Variants in PALM2AKAP2 observed in about 807,000 individuals in gnomAD.
The protein encoded by PALM2AKAP2 is PALM2-AKAP2 fusion protein.
PALM2AKAP2 carries 37 observed loss-of-function variants against 71.5 expected under a neutral mutation model. The ratio of observed to expected loss-of-function variants is 0.52; its 90% CI spans 0.40 to 0.68. The LOEUF is 0.68. Ranked by LOEUF, PALM2AKAP2 falls within the 30% of genes least tolerant of loss-of-function variation. The pLI is 0.00. For synonymous variants in PALM2AKAP2, 468 were observed against 478.8 expected (o/e 0.98, Z 0.29); for missense variants, 1,224 against 1,191.8 (o/e 1.03, Z -0.40).
chr9:109,686,230 T>G (rs958385711), intron 1 of PALM2AKAP2, among the ~76,000 whole-genome samples: 2 of 152,244 alleles, frequency 1.3e-5, no homozygotes, highest in Non-Finnish European at 2.9e-5. Context: ...GTTGATATCA[T>G]GAATGTTCTT....
chr9:109,656,731 G>C (rs966184636), intron 1 of PALM2AKAP2, among the ~76,000 whole-genome samples: 5 of 152,338 alleles, frequency 3.3e-5, no homozygotes, highest in African/African-American at 1.2e-4. Context: ...GAGAACTGAA[G>C]GGTGTGATTG....
intron 1 of PALM2AKAP2, among the ~76,000 whole-genome samples, chr9:109,816,938 G>A (rs1286817627): frequency 1.3e-5 from 2 of 152,192 alleles, no homozygotes; most frequent in African/African-American, 4.8e-5. Flanking sequence ...CTACCAGTTT[G>A]TCTGGAGGCG....
intron 6 of PALM2AKAP2, among the ~76,000 whole-genome samples, chr9:109,987,901 G>A (rs958759617): frequency 5.9e-5 from 9 of 152,196 alleles, no homozygotes; most frequent in African/African-American, 7.2e-5. Flanking sequence ...CTCTTTTAAC[G>A]AGCAAGAAAA....
intron 1 of PALM2AKAP2, among the ~76,000 whole-genome samples, chr9:109,695,469 G>T (rs1827956773): frequency 6.6e-6 from 1 of 151,988 alleles, no homozygotes; most frequent in African/African-American, 2.4e-5. Flanking sequence ...GTCATTTTTT[G>T]TCTTTTTGAT....
intron 1 of PALM2AKAP2, among the ~76,000 whole-genome samples, chr9:109,820,907 A>G (rs1827980625): frequency 6.6e-6 from 1 of 152,240 alleles, no homozygotes; most frequent in Non-Finnish European, 1.5e-5. Context: ...GGATATTTCA[A>G]TTAGTGCAGC....
intron 1 of PALM2AKAP2, among the ~76,000 whole-genome samples, chr9:110,099,593 G>T (rs2118859290): frequency 6.6e-6 from 1 of 152,176 alleles, no homozygotes; most frequent in East Asian, 1.9e-4. Context: ...GCAGATGGGT[G>T]GCATTACCTC....
At chr9:109,785,501 G>T (rs1564147513) in intron 1 of PALM2AKAP2, among the ~76,000 whole-genome samples, 1 of 152,150 alleles carries the variant, frequency 6.6e-6, no homozygotes, top group Non-Finnish European at 1.5e-5. Flanking sequence ...ACATACCCGA[G>T]ACTGGGTAAT....
chr9:109,911,915 CA>C (rs1411549019), intron 3 of PALM2AKAP2, among the ~76,000 whole-genome samples: 1 of 152,000 alleles, frequency 6.6e-6, no homozygotes, highest in Non-Finnish European at 1.5e-5. Context: ...CAGAGTGTAC[CA>C]AAAGTTAGAA....
At chr9:110,069,187 A>C (rs1336778311) in intron 1 of PALM2AKAP2, among the ~76,000 whole-genome samples, 1 of 152,206 alleles carries the variant, frequency 6.6e-6, no homozygotes, top group Non-Finnish European at 1.5e-5. Flanking sequence ...TGTAAACTGC[A>C]AAATAGGACC....
chr9:109,973,610 A>G (rs1832113129), intron 6 of PALM2AKAP2, among the ~76,000 whole-genome samples: 1 of 152,254 alleles, frequency 6.6e-6, no homozygotes, highest in African/African-American at 2.4e-5. Flanking sequence ...AGATCTCTTG[A>G]CAATGAGTGA....
intron 1 of PALM2AKAP2, among the ~76,000 whole-genome samples, chr9:109,865,199 A>G (rs1829419225): frequency 2.2e-5 from 3 of 139,492 alleles, no homozygotes; most frequent in African/African-American, 7.9e-5. Flanking sequence ...ACTGGGTTCA[A>G]GTGATTCTCC....
intron 7 of PALM2AKAP2, among the ~76,000 whole-genome samples, chr9:110,029,947 A>G (rs1049785248): frequency 6.6e-6 from 1 of 152,232 alleles, no homozygotes; most frequent in Non-Finnish European, 1.5e-5. Context: ...CTGGTCAGGT[A>G]TCAGAGAGGT....
chr9:109,984,736 G>C (rs951203630), intron 6 of PALM2AKAP2, among the ~76,000 whole-genome samples: 28 of 148,554 alleles, frequency 1.9e-4, no homozygotes, highest in African/African-American at 5.7e-4. Flanking sequence ...AGCTGGGTGT[G>C]GTGGAGTGCC....
intron 1 of PALM2AKAP2, among the ~76,000 whole-genome samples, chr9:109,698,125 T>C (rs77876253): frequency 0.01 from 1,570 of 152,262 alleles, 27 homozygotes; most frequent in African/African-American, 0.036. Context: ...CTCTGCCTCA[T>C]AGAACAGAGG....
chr9:109,814,916 T>C (rs753447528), intron 1 of PALM2AKAP2, among the ~76,000 whole-genome samples: 10 of 152,178 alleles, frequency 6.6e-5, no homozygotes, highest in Admixed American at 2.0e-4. Flanking sequence ...CTGTGGGTCA[T>C]GGGAATCTCT....
At chr9:109,941,634 G>T (rs1261173145) in intron 6 of PALM2AKAP2, among the ~76,000 whole-genome samples, 1 of 152,232 alleles carries the variant, frequency 6.6e-6, no homozygotes, top group African/African-American at 2.4e-5. Context: ...CTGGAGCCTG[G>T]TGGCTCTATG....
At chr9:109,920,060 G>A (rs1830791320) in intron 3 of PALM2AKAP2, among the ~76,000 whole-genome samples, 1 of 152,152 alleles carries the variant, frequency 6.6e-6, no homozygotes, top group Non-Finnish European at 1.5e-5. Flanking sequence ...TGTTCTTTCT[G>A]TGGTCCAGGC....
intron 1 of PALM2AKAP2, among the ~76,000 whole-genome samples, chr9:109,795,596 C>T (rs1198241441): frequency 1.3e-5 from 2 of 152,218 alleles, no homozygotes; most frequent in Non-Finnish European, 2.9e-5. Context: ...GTGGGAAGAT[C>T]TTTGAAGCTG....
At chr9:109,731,596 G>A (rs181686064) in intron 1 of PALM2AKAP2, among the ~76,000 whole-genome samples, 143 of 152,210 alleles carry the variant, frequency 9.4e-4, no homozygotes, top group African/African-American at 3.2e-3. Context: ...GACATTAGGG[G>A]TGAGTTATGT....
Sources: allele counts gnomAD v4.1 joint callset (sites outside exome capture counted in the v4.1 genomes callset), GRCh38; gene constraint gnomAD v4.1.1; transcripts MANE v1.5; gene names NCBI Gene and HGNC (gene_info 2026-07-23, HGNC 2026-07-21).